The following ZNF469 variants were observed in gnomAD, a reference collection of about 807,000 sequenced individuals.
The protein encoded by ZNF469 is zinc finger protein 469.
ZNF469 carries 1 observed loss-of-function variant against 1.0 expected under a neutral mutation model. That is an observed-to-expected ratio of 1.00 (90% CI 0.35 to 4.73). The LOEUF (loss-of-function observed/expected upper bound fraction) is 4.73, where lower values mean the gene tolerates loss of function less well. Ranked by LOEUF, ZNF469 falls within the 30% of genes most tolerant of loss-of-function variation. ZNF469 has a pLI of 0.16. For synonymous variants in ZNF469, 2,703 were observed against 2,363.4 expected (o/e 1.14, Z -4.17); for missense variants, 6,100 against 5,356.3 (o/e 1.14, Z -4.33).
At chr16:88,118,403 C>T in the ZNF469 span, among the ~76,000 whole-genome samples, 25 of 152,288 alleles carry the variant, frequency 1.6e-4, no homozygotes, top group East Asian at 1.9e-4. Flanking sequence ...TGGATGGGGC[C>T]GGTGTCAGCA....
the ZNF469 span, among the ~76,000 whole-genome samples, chr16:88,266,148 G>A: frequency 2.0e-5 from 3 of 152,374 alleles, no homozygotes; most frequent in East Asian, 1.9e-4. Context: ...GGTCAGCAGC[G>A]TGTGAGGCTG....
chr16:88,356,017 G>T, the ZNF469 span, among the ~76,000 whole-genome samples: 2 of 152,298 alleles, frequency 1.3e-5, no homozygotes, highest in East Asian at 1.9e-4. Context: ...GCCCTCTGAG[G>T]AGGAGAGGAC....
At chr16:88,301,259 A>T in the ZNF469 span, among the ~76,000 whole-genome samples, 1 of 151,264 alleles carries the variant, frequency 6.6e-6, no homozygotes, top group Non-Finnish European at 1.5e-5. Flanking sequence ...GGTTCACACC[A>T]TTCTCCTGCC....
chr16:88,388,141 T>A (rs1042278940), intron 1 of ZNF469, among the ~76,000 whole-genome samples: 29 of 152,046 alleles, frequency 1.9e-4, no homozygotes, highest in African/African-American at 7.0e-4. Context: ...GATAGGCAGG[T>A]GAGTGGAGGG....
chr16:88,193,102 A>C, the ZNF469 span, among the ~76,000 whole-genome samples: 1 of 30,528 alleles, frequency 3.3e-5, no homozygotes, highest in African/African-American at 1.4e-4. Flanking sequence ...GATGGTGTTG[A>C]TGGTGGTGGT....
chr16:88,110,880 C>T, the ZNF469 span, among the ~76,000 whole-genome samples: 12 of 152,346 alleles, frequency 7.9e-5, no homozygotes, highest in Non-Finnish European at 1.2e-4. Flanking sequence ...CGTCTGCAGC[C>T]GGGCTCTGTG....
At chr16:88,314,017 T>C in the ZNF469 span, among the ~76,000 whole-genome samples, 1 of 151,398 alleles carries the variant, frequency 6.6e-6, no homozygotes, top group Non-Finnish European at 1.5e-5. Context: ...GTCATCTCTG[T>C]AATTCAGGCA....
the ZNF469 span, among the ~76,000 whole-genome samples, chr16:88,277,193 C>T: frequency 1.5e-4 from 22 of 146,516 alleles, no homozygotes; most frequent in East Asian, 4.4e-3. Context: ...CAGTCAGTAC[C>T]GTGTAGATAT....
At chr16:88,245,023 A>G in the ZNF469 span, among the ~76,000 whole-genome samples, 3 of 152,018 alleles carry the variant, frequency 2.0e-5, no homozygotes, top group African/African-American at 7.3e-5. Flanking sequence ...CTACAGTCCC[A>G]GCACTCCTGA....
the ZNF469 span, among the ~76,000 whole-genome samples, chr16:88,326,336 T>C: frequency 3.5e-4 from 53 of 152,346 alleles, no homozygotes; most frequent in South Asian, 6.2e-4. Context: ...GACCTGCTCC[T>C]CCTTACCTTC....
At chr16:88,139,413 T>C in the ZNF469 span, among the ~76,000 whole-genome samples, 2 of 147,652 alleles carry the variant, frequency 1.4e-5, no homozygotes, top group Non-Finnish European at 3.0e-5. Context: ...GGGGACGTGA[T>C]GAGGAAAATT....
chr16:88,116,983 A>G, the ZNF469 span, among the ~76,000 whole-genome samples: 1 of 135,128 alleles, frequency 7.4e-6, no homozygotes, highest in Non-Finnish European at 1.7e-5. Flanking sequence ...ACACACACAC[A>G]CACACACACC....
chr16:88,255,325 A>G, the ZNF469 span, among the ~76,000 whole-genome samples: 1 of 152,248 alleles, frequency 6.6e-6, no homozygotes, highest in Non-Finnish European at 1.5e-5. Context: ...AAGGAAACTC[A>G]ATAGTAATGA....
chr16:88,421,865 C>T (rs752258929), intron 1 of ZNF469, among the ~76,000 whole-genome samples: 4 of 152,286 alleles, frequency 2.6e-5, no homozygotes, highest in African/African-American at 9.6e-5. Flanking sequence ...TCTTGATTCA[C>T]TGACTTTCTG....
At chr16:88,229,550 TCACA>T in the ZNF469 span, among the ~76,000 whole-genome samples, 1 of 115,196 alleles carries the variant, frequency 8.7e-6, no homozygotes, top group African/African-American at 3.8e-5. Flanking sequence ...CGTGTGGATG[TCACA>T]CGTGTGGATG....
At chr16:88,330,513 A>C in the ZNF469 span, among the ~76,000 whole-genome samples, 1 of 152,214 alleles carries the variant, frequency 6.6e-6, no homozygotes. Context: ...GTCACAAAAC[A>C]ATGACGTGTT....
At chr16:88,134,912 T>C in the ZNF469 span, among the ~76,000 whole-genome samples, 9 of 152,278 alleles carry the variant, frequency 5.9e-5, no homozygotes, top group Non-Finnish European at 1.3e-4. Context: ...CCTTGCCATA[T>C]ACCCATTGCC....
At chr16:88,188,215 C>T in the ZNF469 span, among the ~76,000 whole-genome samples, 2 of 152,090 alleles carry the variant, frequency 1.3e-5, no homozygotes, top group Non-Finnish European at 2.9e-5. Flanking sequence ...TCACGTCTCA[C>T]CTCTCCTGTG....
chr16:88,390,522 G>T (rs1904456981), intron 1 of ZNF469, among the ~76,000 whole-genome samples: 1 of 152,214 alleles, frequency 6.6e-6, no homozygotes, highest in Non-Finnish European at 1.5e-5. Context: ...GTCTCACTTG[G>T]ACACAACCTC....
Sources: allele counts gnomAD v4.1 joint callset (sites outside exome capture counted in the v4.1 genomes callset), GRCh38; gene constraint gnomAD v4.1.1; transcripts MANE v1.5; gene names NCBI Gene and HGNC (gene_info 2026-07-23, HGNC 2026-07-21).